TRRAP: variants seen among roughly 807,000 people sequenced by gnomAD.
TRRAP encodes transformation/transcription domain-associated protein.
Under a neutral mutation model 438.8 loss-of-function variants are expected in TRRAP, and 41 were observed. That is an observed-to-expected ratio of 0.09 (90% CI 0.07 to 0.12). The LOEUF is 0.12. Among genes scored for constraint, TRRAP ranks in the 10% least tolerant of loss-of-function variants. TRRAP has a pLI of 1.00. For synonymous variants in TRRAP, 1,994 were observed against 1,962.9 expected, an observed-to-expected ratio of 1.02 and a Z score of -0.42; for missense variants, 3,122 against 5,055.1, an observed-to-expected ratio of 0.62 and a Z score of 11.60.
Position 98,967,613 on chromosome 7 carries a change from G to C in TRRAP, c.7427G>C (p.Arg2476Pro). 27 of 1,614,070 alleles carry C rather than the reference G, an allele frequency of 1.7e-5. No homozygotes were observed. Among genetic ancestry groups the C allele is most frequent in the Non-Finnish European group, 2.3e-5 (27 of 1,180,024 alleles). ...GTTTTTGACAACTCCATGAAACGTCGTGTCTACGAGCGCTTGCTCTATGTG... is the reference window on the plus strand; with the variant it reads ...GTTTTTGACAACTCCATGAAACGTCCTGTCTACGAGCGCTTGCTCTATGTG... ...FEVFDNSMKR[R>P]VYERLLYVTC... Residue 2476 changes from arginine to proline, a missense_variant, in exon 51 of 73, where the codon CGT becomes CCT. By Grantham distance (103) the Arg-to-Pro change is moderately radical. Transcript: ENST00000456197.
chr7:98,949,626 A>G (rs1791240734), intron 36 of TRRAP, 34 bp from the exon 37 acceptor site: 1 of 1,598,378 alleles, frequency 6.3e-7, no homozygotes, highest in Non-Finnish European at 8.5e-7. Context: ...GGTTTAATCG[A>G]GACACGGTTC....
intron 4 of TRRAP, among the ~76,000 whole-genome samples, chr7:98,892,145 G>A (rs1021486946): frequency 5.3e-5 from 8 of 152,186 alleles, no homozygotes; most frequent in South Asian, 2.1e-4. Flanking sequence ...ACCAGTGTCC[G>A]TTGGACTTAC....
At chr7:98,887,551 G>A (rs1240535013) in intron 3 of TRRAP, among the ~76,000 whole-genome samples, 4 of 151,870 alleles carry the variant, frequency 2.6e-5, no homozygotes, top group African/African-American at 7.3e-5. Context: ...AATCTGCACC[G>A]AGTTGGCCCA....
intron 25 of TRRAP, 107 bp downstream of exon 25, chr7:98,930,937 GA>G: frequency 7.2e-7 from 1 of 1,396,680 alleles, no homozygotes; most frequent in Non-Finnish European, 9.8e-7. Context: ...GCAGCATGGT[GA>G]CTTTGATACT....
rs778465879 is a variant in TRRAP at position 98,988,874 on chromosome 7, C to T, written c.9499C>T (p.Arg3167Trp). The change falls in exon 63 of 73, where the codon CGG becomes TGG. Residue 3167 changes from arginine to tryptophan, a missense_variant. Physicochemically the swap from Arg to Trp is moderately radical, Grantham distance 101. Around this residue, in one of 24 missense-constraint regions of TRRAP, gnomAD observed 23 missense variants for 18.2 expected, o/e 1.27. Coordinates refer to ENST00000456197, the MANE Select transcript of TRRAP (RefSeq NM_001375524.1). ...CCTGGAGAACATCTTTGTGAAGGAGCGGCAGCTGCACCTGGGCGTGTCTGC... is the reference window on the plus strand; with the variant it reads ...CCTGGAGAACATCTTTGTGAAGGAGTGGCAGCTGCACCTGGGCGTGTCTGC... ...DYLENIFVKERQLHLGVSAIT... is the reference protein window; with the variant it reads ...DYLENIFVKEWQLHLGVSAIT... The T allele has an allele frequency of 2.5e-6, 4 of 1,614,008 alleles. No homozygotes were observed. The highest frequency in any genetic ancestry group is 2.7e-5 in the African/African-American group (2 of 74,910).
intron 51 of TRRAP, 151 bp from the exon 52 acceptor site, chr7:98,969,961 T>A: frequency 1.2e-6 from 1 of 854,906 alleles, no homozygotes; most frequent in Admixed American, 2.8e-5. Flanking sequence ...GAAGCCCGTC[T>A]GGTTGGGGAC....
intron 4 of TRRAP, 61 bp downstream of exon 4, chr7:98,890,506 T>G (rs1795915794): frequency 1.6e-6 from 2 of 1,229,642 alleles, no homozygotes; most frequent in African/African-American, 3.1e-5. Context: ...CAGTTACGAA[T>G]TAACTCAGAA....
chr7:98,960,718 A>C (rs747325146), intron 45 of TRRAP, among the ~76,000 whole-genome samples: 4 of 151,846 alleles, frequency 2.6e-5, no homozygotes, highest in Admixed American at 2.6e-4. Context: ...CAACCTCCCA[A>C]GTAGCTGAGA....
intron 45 of TRRAP, among the ~76,000 whole-genome samples, chr7:98,960,730 T>A (rs1293098938): frequency 6.6e-6 from 1 of 151,858 alleles, no homozygotes; most frequent in African/African-American, 2.4e-5. Flanking sequence ...TAGCTGAGAC[T>A]ACAGGCGTAT....
At chr7:98,961,966 G>C (rs1791912635) in intron 46 of TRRAP, among the ~76,000 whole-genome samples, 1 of 152,162 alleles carries the variant, frequency 6.6e-6, no homozygotes, top group Non-Finnish European at 1.5e-5. Context: ...TGTCTGCTTT[G>C]GAAATTCAGT....
chr7:98,964,798 C>T (rs747260014), intron 48 of TRRAP, 23 bp downstream of exon 48: 2 of 1,604,002 alleles, frequency 1.2e-6, no homozygotes, highest in Non-Finnish European at 1.7e-6. Context: ...CCACCGGGGG[C>T]CTTTCCTCAG....
intron 20 of TRRAP, among the ~76,000 whole-genome samples, chr7:98,920,578 G>A (rs1275180960): frequency 1.1e-4 from 16 of 151,848 alleles, no homozygotes; most frequent in African/African-American, 7.3e-5. Flanking sequence ...AGTTTTTTGC[G>A]ACAGTTGAGT....
intron 70 of TRRAP, 50 bp downstream of exon 70, chr7:99,008,611 G>A (rs1450659100): frequency 1.3e-6 from 2 of 1,591,408 alleles, no homozygotes; most frequent in Admixed American, 1.7e-5. Flanking sequence ...CAGCCCTCCT[G>A]TGTGGGGCAG....
intron 47 of TRRAP, 110 bp downstream of exon 47, chr7:98,962,537 G>C: frequency 6.4e-7 from 1 of 1,574,368 alleles, no homozygotes; most frequent in Non-Finnish European, 8.6e-7. Flanking sequence ...GCAGAGCTTT[G>C]AGCCGCTGCG....
At chr7:98,916,897 C>T (rs1308693950) in intron 19 of TRRAP, among the ~76,000 whole-genome samples, 3 of 152,118 alleles carry the variant, frequency 2.0e-5, no homozygotes, top group African/African-American at 7.2e-5. Context: ...CTTCCTGTGC[C>T]GTGCAGGACG....
chr7:98,971,935 G>A lies in TRRAP; in HGVS notation c.7829G>A (p.Arg2610Gln), dbSNP rs1486799590. 4 of 1,614,024 alleles carry A rather than the reference G, an allele frequency of 2.5e-6. No homozygotes were observed. The highest frequency in any genetic ancestry group is 1.3e-5 in the African/African-American group (1 of 74,932). ...CACGACAAGTTTCTGGACACTCTCC[G>A]AGAGGTGAAGGTCTGTACGCAGCTT... ...NRHDKFLDTL[R>Q]EVKTGALLSA... The change falls in exon 53 of 73, where the codon CGA becomes CAA. Residue 2610 changes from arginine (R) to glutamine (Q), a missense_variant. By Grantham distance (43) the Arg-to-Gln change is conservative. Transcript: ENST00000456197.
chr7:99,011,514 C>T lies in TRRAP; in HGVS notation c.11316C>T (p.Cys3772=). The T allele has an allele frequency of 6.2e-7, 1 of 1,613,924 alleles. No homozygotes were observed. The highest frequency in any genetic ancestry group is 1.1e-5 in the South Asian group (1 of 91,044). Residue 3772 remains cysteine, a synonymous_variant, in exon 72 of 73, where the codon TGC becomes TGT. Transcript: ENST00000456197. The surrounding 1 kb of genome is among the most constrained non-coding windows in gnomAD (Gnocchi z 7.1). ...CGTCCATGATTGCGGTCGCCCGGTG[C>T]TTCGCCCAGCCAAACTTTAAGGTGG... The part of the protein sequence containing the change: ...LTASMIAVAR[C]FAQPNFKVDG...
chr7:98,970,143 C>T lies in TRRAP; in HGVS notation c.7544C>T (p.Pro2515Leu), dbSNP rs779292018. The change falls in exon 52 of 73, where the codon CCC becomes CTC. Residue 2515 changes from proline (P) to leucine (L), a missense_variant. Transcript: ENST00000456197. ...LLLAVCEKST[P>L]IGTSCQGAML... ...CTGGCCGTGTGTGAGAAGAGCACCC[C>T]CATTGGCACCAGCTGCCAAGGAGCC... The T allele has an allele frequency of 6.2e-7, 1 of 1,613,908 alleles. No individual in the cohort carries two copies. Among genetic ancestry groups the T allele is most frequent in the Non-Finnish European group, 8.5e-7 (1 of 1,179,984 alleles).
intron 20 of TRRAP, 113 bp from the exon 21 acceptor site, chr7:98,921,640 T>G (rs1789802648): frequency 1.4e-6 from 2 of 1,419,056 alleles, no homozygotes; most frequent in Admixed American, 3.6e-5. Flanking sequence ...CCTCCCAAAG[T>G]TCTGGGATTA....
Sources: allele counts gnomAD v4.1 joint callset (sites outside exome capture counted in the v4.1 genomes callset), GRCh38; gene constraint gnomAD v4.1.1; regional missense constraint gnomAD v4.1.1; non-coding constraint Gnocchi (gnomAD v3.1); transcripts MANE v1.5; gene names NCBI Gene and HGNC (gene_info 2026-07-23, HGNC 2026-07-21).